The following STK32A variants were observed in gnomAD, a reference collection of about 807,000 sequenced individuals.
STK32A encodes the protein serine/threonine kinase 32A.
A neutral mutation model predicts 53.2 loss-of-function variants in STK32A; 41 were observed. The observed-to-expected ratio is 0.77, with a 90% CI of 0.60 to 1.00. The LOEUF (loss-of-function observed/expected upper bound fraction) is 1.00. Among genes scored for constraint, STK32A ranks in the 50% least tolerant of loss-of-function variants. STK32A has a pLI of 0.00. For synonymous variants in STK32A, 166 were observed against 162.8 expected (o/e 1.02, Z -0.15); for missense variants, 458 against 485.8 (o/e 0.94, Z 0.54).
chr5:147,332,172 A>T (rs1754902809), intron 5 of STK32A, among the ~76,000 whole-genome samples: 1 of 152,248 alleles, frequency 6.6e-6, no homozygotes, highest in Non-Finnish European at 1.5e-5. Flanking sequence ...ATGGGATAGA[A>T]GACCAAGTGA....
chr5:147,396,667 C>G, the STK32A span, among the ~76,000 whole-genome samples: 1 of 152,200 alleles, frequency 6.6e-6, no homozygotes, highest in South Asian at 2.1e-4. Flanking sequence ...TCCCCAAAAC[C>G]AAGAACTCTA....
At chr5:147,362,467 A>T (rs1407851735) in intron 8 of STK32A, among the ~76,000 whole-genome samples, 2 of 152,230 alleles carry the variant, frequency 1.3e-5, no homozygotes, top group African/African-American at 4.8e-5. Flanking sequence ...TACCCCCATA[A>T]ACTAACCTAA....
At chr5:147,328,798 A>G (rs971289981) in intron 5 of STK32A, among the ~76,000 whole-genome samples, 1 of 152,160 alleles carries the variant, frequency 6.6e-6, no homozygotes, top group South Asian at 2.1e-4. Context: ...GTGGAAAGTA[A>G]TTATTTAATA....
intron 4 of STK32A, 86 bp downstream of exon 4, chr5:147,279,484 G>T: frequency 8.2e-7 from 1 of 1,218,848 alleles, no homozygotes. Flanking sequence ...TGGGACCTCA[G>T]CCCTGGCTGG....
At chr5:147,378,297 G>A (rs1403432357) in intron 11 of STK32A, among the ~76,000 whole-genome samples, 1 of 152,134 alleles carries the variant, frequency 6.6e-6, no homozygotes, top group Non-Finnish European at 1.5e-5. Context: ...AGAGGTAGGT[G>A]AGCATACAGG....
chr5:147,383,841 T>C, intron 12 of STK32A, 49 bp from the exon 13 acceptor site: 1 of 1,350,310 alleles, frequency 7.4e-7, no homozygotes. Flanking sequence ...AAACCTTTCA[T>C]TTTATTTTTC....
intron 5 of STK32A, among the ~76,000 whole-genome samples, chr5:147,328,914 T>C (rs940391589): frequency 2.0e-5 from 3 of 152,176 alleles, no homozygotes; most frequent in Non-Finnish European, 2.9e-5. Context: ...AATTAAATAG[T>C]AAGTCATTTT....
rs1368152493 is a variant in STK32A at position 147,384,457 on chromosome 5, C to T, written c.*474C>T. The T allele has an allele frequency of 6.6e-7, 1 of 1,526,414 alleles. No individual in the cohort carries two copies. The highest frequency in any genetic ancestry group is 1.4e-5 in the African/African-American group (1 of 72,778). 94.6% of individuals were successfully genotyped at this position (1,526,414 alleles called of 1,614,324 possible). A position where few individuals can be genotyped will look rare whatever the true frequency, so the allele number is the denominator to read the frequency against. On this transcript the variant is annotated 3_prime_UTR_variant, in exon 13 of 13. Coordinates refer to ENST00000397936, the MANE Select transcript of STK32A (RefSeq NM_001112724.2). ...CATAAAGTGGTCAGAATGCCCCAGGCTACTTGGATAAAGATAAGGAATTCT... is the reference window on the plus strand; with the variant it reads ...CATAAAGTGGTCAGAATGCCCCAGGTTACTTGGATAAAGATAAGGAATTCT...
intron 5 of STK32A, among the ~76,000 whole-genome samples, chr5:147,340,625 C>T (rs1414763747): frequency 1.3e-5 from 2 of 152,142 alleles, no homozygotes; most frequent in Non-Finnish European, 2.9e-5. Flanking sequence ...AGATGTTACC[C>T]TATTATATTT....
At chr5:147,236,866 C>T (rs138307987) in intron 1 of STK32A, among the ~76,000 whole-genome samples, 343 of 152,248 alleles carry the variant, frequency 2.3e-3, no homozygotes, top group African/African-American at 7.8e-3. Flanking sequence ...TGCAGGATGA[C>T]AGGCTACTTG....
At chr5:147,400,979 T>A in the STK32A span, 4 of 1,102,050 alleles carry the variant, frequency 3.6e-6, no homozygotes, top group Non-Finnish European at 5.0e-6. Flanking sequence ...ATATATGAGC[T>A]TGGATGAGTT....
chr5:147,367,785 G>A (rs1019517341), intron 8 of STK32A, among the ~76,000 whole-genome samples: 6 of 152,200 alleles, frequency 3.9e-5, no homozygotes, highest in African/African-American at 1.4e-4. Context: ...TGATGGCTTA[G>A]CTTGGGCTCA....
At chr5:147,330,247 T>C (rs903611657) in intron 5 of STK32A, among the ~76,000 whole-genome samples, 11 of 152,118 alleles carry the variant, frequency 7.2e-5, no homozygotes, top group African/African-American at 2.7e-4. Flanking sequence ...TGGCAGGAGG[T>C]ATTTCCTTGT....
intron 4 of STK32A, among the ~76,000 whole-genome samples, chr5:147,284,184 C>T (rs1490204310): frequency 6.6e-6 from 1 of 152,030 alleles, no homozygotes; most frequent in Non-Finnish European, 1.5e-5. Context: ...ATGATCATCT[C>T]AGTAGGTGCA....
At chr5:147,288,957 G>A (rs1752473728) in intron 4 of STK32A, among the ~76,000 whole-genome samples, 1 of 152,140 alleles carries the variant, frequency 6.6e-6, no homozygotes, top group Admixed American at 6.5e-5. Context: ...CATAGTAACA[G>A]GTGTCTTACA....
intron 4 of STK32A, among the ~76,000 whole-genome samples, chr5:147,300,524 G>A (rs1427245213): frequency 1.3e-5 from 2 of 152,192 alleles, no homozygotes; most frequent in East Asian, 1.9e-4. Flanking sequence ...AGTGCCTACC[G>A]CACAGTAAGT....
intron 7 of STK32A, among the ~76,000 whole-genome samples, chr5:147,351,657 G>A (rs1296450821): frequency 2.0e-5 from 3 of 152,122 alleles, no homozygotes; most frequent in Non-Finnish European, 4.4e-5. Flanking sequence ...GACCATCCTG[G>A]CCAACATGGT....
At position 147,277,328 on chromosome 5, in the gene STK32A, G is replaced by T. The variant is rs183356275; in HGVS notation, c.53-796G>T. ...ACCTGCACAGGAGAATCTATGATTT[G>T]TTCTTCTCATCATTATACATTTCAC... On this transcript the variant is annotated intron_variant, in intron 2 of 12. Coordinates refer to ENST00000397936, the MANE Select transcript of STK32A (RefSeq NM_001112724.2). Among the ~76,000 whole-genome samples, 5 of 152,238 alleles carry T rather than the reference G, an allele frequency of 3.3e-5. No homozygotes were observed. The South Asian group carries it at 1.0e-3, about 32-fold the overall frequency.
chr5:147,317,323 CTTTTTTTTTTT>C (rs3064294), intron 4 of STK32A, among the ~76,000 whole-genome samples: 11 of 81,310 alleles, frequency 1.4e-4, no homozygotes, highest in African/African-American at 5.0e-4. Context: ...CTTTTTCTTT[CTTTTTTTTTTT>C]TTTTTTTTTT....
Sources: allele counts gnomAD v4.1 joint callset (sites outside exome capture counted in the v4.1 genomes callset), GRCh38; gene constraint gnomAD v4.1.1; transcripts MANE v1.5; gene names NCBI Gene and HGNC (gene_info 2026-07-23, HGNC 2026-07-21).